Variants in ANO6 observed in about 807,000 individuals in gnomAD.
ANO6 encodes the protein anoctamin-6.
Under a neutral mutation model 117.5 loss-of-function variants are expected in ANO6, and 106 were observed. The observed-to-expected ratio is 0.90, with a 90% CI of 0.77 to 1.06. The LOEUF (loss-of-function observed/expected upper bound fraction) is 1.06, where lower values mean the gene tolerates loss of function less well. ANO6 is among the 50% of genes least tolerant of loss of function. The pLI is 0.00. For missense variants in ANO6, 955 were observed against 1,121.1 expected (o/e 0.85, Z 2.12); for synonymous variants, 367 against 385.1 (o/e 0.95, Z 0.55).
rs1158672662 is a variant in ANO6 at position 45,311,087 on chromosome 12, G to A, written c.150+8994G>A. 2.6e-5 allele frequency among the ~76,000 whole-genome samples: 4 copies of A among 152,062 alleles called. No individual in the cohort carries two copies. In the East Asian group the frequency reaches 7.8e-4, roughly 29 times the overall value. On this transcript the variant is annotated intron_variant, in intron 2 of 19. Coordinates refer to ENST00000320560, the MANE Select transcript of ANO6 (RefSeq NM_001025356.3). ...AGACATTTTTGGTGTTTTGATTTTA[G>A]CAAGATGTGTGGGGAAAAAATGTAT...
intron 1 of ANO6, among the ~76,000 whole-genome samples, chr12:45,286,802 C>G (rs59579391): frequency 0.011 from 1,636 of 152,282 alleles, 30 homozygotes; most frequent in African/African-American, 0.037. Context: ...TCATTTTATC[C>G]TCAAGACAAC....
chr12:45,391,053 G>A (rs1483270310), intron 12 of ANO6, among the ~76,000 whole-genome samples: 9 of 152,130 alleles, frequency 5.9e-5, no homozygotes, highest in Middle Eastern at 3.4e-3. Context: ...CCCAGGAGAC[G>A]GAGGTTGCAG....
intron 12 of ANO6, among the ~76,000 whole-genome samples, chr12:45,393,442 C>A (rs7358576): frequency 6.6e-6 from 1 of 152,152 alleles, no homozygotes; most frequent in Non-Finnish European, 1.5e-5. Context: ...TCCAGGAGAC[C>A]TTCCCCAACC....
chr12:45,255,690 T>C (rs1937789592), intron 1 of ANO6, among the ~76,000 whole-genome samples: 3 of 152,126 alleles, frequency 2.0e-5, no homozygotes, highest in African/African-American at 7.2e-5. Context: ...ATAGAATTAA[T>C]GCAACAACCG....
chr12:45,437,124 C>G (rs1185742444), downstream of ANO6, among the ~76,000 whole-genome samples: 1 of 152,242 alleles, frequency 6.6e-6, no homozygotes, highest in Non-Finnish European at 1.5e-5. Context: ...GAACAGTGTT[C>G]TCAAAGTGTG....
At chr12:45,282,280 A>G (rs1452159247) in intron 1 of ANO6, among the ~76,000 whole-genome samples, 1 of 152,244 alleles carries the variant, frequency 6.6e-6, no homozygotes, top group African/African-American at 2.4e-5. Context: ...GGCTCAGAAG[A>G]GATGGCTGAA....
chr12:45,393,525 C>T (rs1289760238), intron 12 of ANO6, among the ~76,000 whole-genome samples: 1 of 152,064 alleles, frequency 6.6e-6, no homozygotes, highest in African/African-American at 2.4e-5. Flanking sequence ...AGAAGAGCAA[C>T]CCCAAGACAC....
intron 1 of ANO6, chr12:45,293,031 G>A: frequency 6.6e-7 from 1 of 1,505,042 alleles, no homozygotes; most frequent in Non-Finnish European, 9.0e-7. Context: ...CCAAATATTT[G>A]ATGAGTATTT....
chr12:45,300,810 TTAAAAA>T (rs1183875121), intron 1 of ANO6, among the ~76,000 whole-genome samples: 4 of 152,234 alleles, frequency 2.6e-5, no homozygotes, highest in South Asian at 2.1e-4. Flanking sequence ...TTTTTGCAAG[TTAAAAA>T]TAAAAAAGTT....
At chr12:45,250,349 G>T (rs1947883391) in intron 1 of ANO6, among the ~76,000 whole-genome samples, 1 of 152,030 alleles carries the variant, frequency 6.6e-6, no homozygotes, top group Non-Finnish European at 1.5e-5. Flanking sequence ...TAAAGAAAAT[G>T]TTTAAGATAA....
chr12:45,275,219 T>C (rs1179435514), intron 1 of ANO6, among the ~76,000 whole-genome samples: 2 of 152,134 alleles, frequency 1.3e-5, no homozygotes, highest in South Asian at 2.1e-4. Context: ...TTTTTTTATG[T>C]TTATTTTTTG....
chr12:45,301,354 G>A (rs1939480470), intron 1 of ANO6, among the ~76,000 whole-genome samples: 1 of 152,070 alleles, frequency 6.6e-6, no homozygotes, highest in Non-Finnish European at 1.5e-5. Flanking sequence ...CACGTTGGGA[G>A]GCTGAGACAG....
At chr12:45,286,352 A>G (rs749642394) in intron 1 of ANO6, among the ~76,000 whole-genome samples, 33 of 152,186 alleles carry the variant, frequency 2.2e-4, no homozygotes, top group Admixed American at 5.9e-4. Context: ...CTAAAATAAT[A>G]CCCTGAACTA....
intron 12 of ANO6, among the ~76,000 whole-genome samples, chr12:45,401,481 C>T (rs1391631451): frequency 6.6e-6 from 1 of 152,034 alleles, no homozygotes; most frequent in Non-Finnish European, 1.5e-5. Context: ...TTTAAATAGA[C>T]TTTTTTTAGA....
At chr12:45,363,563 CA>C (rs528756231) in intron 8 of ANO6, among the ~76,000 whole-genome samples, 275 of 113,578 alleles carry the variant, frequency 2.4e-3, no homozygotes, top group Middle Eastern at 4.8e-3. Context: ...GACTCTGTCT[CA>C]AAAAAAAAAA....
chr12:45,407,095 G>T (rs1465081089), intron 15 of ANO6, among the ~76,000 whole-genome samples: 1 of 152,122 alleles, frequency 6.6e-6, no homozygotes, highest in East Asian at 1.9e-4. Context: ...TGAGCTCCCT[G>T]CACTAGAAAC....
chr12:45,414,343 C>T (rs1005387071), intron 16 of ANO6, among the ~76,000 whole-genome samples: 10 of 151,828 alleles, frequency 6.6e-5, no homozygotes, highest in Non-Finnish European at 1.3e-4. Flanking sequence ...ATTTTTCTCA[C>T]TTGAATATCA....
At chr12:45,381,830 T>TAACATA (rs1202185223) in intron 10 of ANO6, among the ~76,000 whole-genome samples, 3 of 152,252 alleles carry the variant, frequency 2.0e-5, no homozygotes, top group African/African-American at 7.2e-5. Context: ...TCTTCCCTTA[T>TAACATA]AGCACCGACT....
chr12:45,405,751 A>G (rs1024797983), intron 15 of ANO6, among the ~76,000 whole-genome samples: 7 of 152,104 alleles, frequency 4.6e-5, no homozygotes, highest in Admixed American at 2.6e-4. Context: ...CTCTACTGAA[A>G]ATACAAAATT....
Sources: gnomAD v4.1 joint callset for allele counts (sites outside exome capture counted in the v4.1 genomes callset) on GRCh38, gnomAD v4.1.1 for gene constraint, MANE v1.5 for transcripts, NCBI Gene and HGNC (gene_info 2026-07-23, HGNC 2026-07-21) for gene names.